ATP6V1B1: variants seen among roughly 807,000 people sequenced by gnomAD.
ATP6V1B1 encodes ATPase H+ transporting V1 subunit B1.
A neutral mutation model predicts 62.1 loss-of-function variants in ATP6V1B1; 41 were observed. That is an observed-to-expected ratio of 0.66 (90% CI 0.51 to 0.86). The LOEUF is 0.86. ATP6V1B1 is among the 40% of genes least tolerant of loss of function. ATP6V1B1 has a pLI of 0.00. For synonymous variants in ATP6V1B1, 253 were observed against 273.4 expected (o/e 0.93, Z 0.74); for missense variants, 651 against 697.5 (o/e 0.93, Z 0.75).
At chr2:70,952,566 C>T (rs1435976028) in intron 2 of ATP6V1B1, among the ~76,000 whole-genome samples, 14 of 151,924 alleles carry the variant, frequency 9.2e-5, no homozygotes, top group African/African-American at 3.1e-4. Flanking sequence ...TCTATGTTGA[C>T]GAACTCTCTA....
intron 2 of ATP6V1B1, chr2:70,944,241 G>GAA: frequency 7.8e-7 from 1 of 1,288,206 alleles, no homozygotes; most frequent in South Asian, 1.2e-5. Flanking sequence ...TAAGTGAAGT[G>GAA]GGCCCCACCA....
chr2:70,956,165 A>G (rs1680427115), intron 2 of ATP6V1B1: 2 of 235,392 alleles, frequency 8.5e-6, no homozygotes, highest in Admixed American at 8.2e-5. Context: ...TGACCATTGG[A>G]TGATATCAAT....
Position 70,959,820 on chromosome 2 carries a change from T to C in ATP6V1B1, c.446-119T>C. On this transcript the variant is annotated intron_variant, in intron 5 of 13. Coordinates refer to ENST00000234396, the MANE Select transcript of ATP6V1B1 (RefSeq NM_001692.4). This position sits in a 1 kb window ranked among gnomAD's most constrained non-coding sequence, Gnocchi z 4.2. ...CATCAGGCAGCACGGCCAGAGCACG[T>C]TTCTATCATCACAGAAAGTTCCGTC... 1.3e-6 allele frequency: 2 copies of C among 1,509,024 alleles called. No individual in the cohort carries two copies. Among genetic ancestry groups the C allele is most frequent in the Admixed American group, 3.5e-5 (2 of 56,854 alleles). 93.5% of individuals were successfully genotyped at this position (1,509,024 alleles called of 1,614,324 possible). A position where few individuals can be genotyped will look rare whatever the true frequency, so the allele number is the denominator to read the frequency against.
intron 2 of ATP6V1B1, among the ~76,000 whole-genome samples, chr2:70,947,014 T>G (rs1284032675): frequency 6.6e-6 from 1 of 152,170 alleles, no homozygotes; most frequent in Non-Finnish European, 1.5e-5. Flanking sequence ...AATGCTACAA[T>G]TCTGTTTCTA....
At chr2:70,951,523 A>G (rs1335138956) in intron 2 of ATP6V1B1, among the ~76,000 whole-genome samples, 1 of 152,050 alleles carries the variant, frequency 6.6e-6, no homozygotes, top group Non-Finnish European at 1.5e-5. Context: ...TATAATCTGG[A>G]ACATTTTCCC....
At chr2:70,944,300 A>T in intron 2 of ATP6V1B1, 1 of 1,114,384 alleles carries the variant, frequency 9.0e-7, no homozygotes, top group Non-Finnish European at 1.2e-6. Flanking sequence ...AAACTGGCAG[A>T]CACTGACAGT....
chr2:70,938,241 T>C (rs1200748840), intron 1 of ATP6V1B1, among the ~76,000 whole-genome samples: 1 of 152,048 alleles, frequency 6.6e-6, no homozygotes, highest in Non-Finnish European at 1.5e-5. Flanking sequence ...CTCCTCAGGC[T>C]CTGGGAGTGG....
chr2:70,962,957 C>G, intron 9 of ATP6V1B1, 57 bp downstream of exon 9: 1 of 1,611,232 alleles, frequency 6.2e-7, no homozygotes, highest in Non-Finnish European at 8.5e-7. Flanking sequence ...AAGCCTGACA[C>G]CCCAGACGGT....
chr2:70,952,252 A>G (rs1553418406), intron 2 of ATP6V1B1, among the ~76,000 whole-genome samples: 2 of 152,274 alleles, frequency 1.3e-5, no homozygotes, highest in African/African-American at 2.4e-5. Context: ...ACCTGAGGTC[A>G]GGAGTTGGAG....
Position 70,955,046 on chromosome 2 carries a change from G to A in ATP6V1B1, c.175-3000G>A, listed in dbSNP as rs1240196975. ...TGTGGGTAAAGACTGGGACTTGGTGGCTCCCAGAGCGTGCACAGACAGCAG... is the reference window on the plus strand; with the variant it reads ...TGTGGGTAAAGACTGGGACTTGGTGACTCCCAGAGCGTGCACAGACAGCAG... On this transcript the variant is annotated intron_variant, in intron 2 of 13. Transcript: ENST00000234396. 3.3e-5 allele frequency among the ~76,000 whole-genome samples: 5 copies of A among 152,194 alleles called. No homozygotes were observed. The South Asian group carries it at 6.2e-4, about 19-fold the overall frequency.
intron 1 of ATP6V1B1, chr2:70,940,999 C>G: frequency 1.3e-6 from 1 of 775,906 alleles, no homozygotes; most frequent in Non-Finnish European, 1.6e-6. Flanking sequence ...TCACCGCAGC[C>G]TCAACCTCCC....
At chr2:70,946,891 C>T (rs1169969954) in intron 2 of ATP6V1B1, among the ~76,000 whole-genome samples, 3 of 152,118 alleles carry the variant, frequency 2.0e-5, no homozygotes, top group African/African-American at 4.8e-5. Flanking sequence ...TGTGGTTTTG[C>T]GACTATCGGA....
At chr2:70,948,489 C>G (rs576853105) in intron 2 of ATP6V1B1, 1 of 154,866 alleles carries the variant, frequency 6.5e-6, no homozygotes, top group African/African-American at 2.4e-5. Flanking sequence ...CCCTCCGTCA[C>G]CTCCAGGGAG....
At position 70,964,854 on chromosome 2, in the gene ATP6V1B1, TCATC is replaced by T; in HGVS notation, c.1368_1371del (p.Phe456LeufsTer30). On this transcript the variant is annotated frameshift_variant, in exon 13 of 14. Transcript: ENST00000234396. LOFTEE classifies it high-confidence loss of function. ...TTCCTGCAGAAGTTTGAGAAGAACT[TCATC>T]AATCAGGGTAAGGCGCGTCGCTGGT... 1 of 1,614,032 alleles carries T rather than the reference TCATC, an allele frequency of 6.2e-7. No individual in the cohort carries two copies. The highest frequency in any genetic ancestry group is 8.5e-7 in the Non-Finnish European group (1 of 1,180,022).
At chr2:70,947,503 T>A (rs1553417579) in intron 2 of ATP6V1B1, 1 of 152,166 alleles carries the variant, frequency 6.6e-6, no homozygotes, top group Non-Finnish European at 1.5e-5. Flanking sequence ...TTCAAATTGG[T>A]CCCTGTTTGA....
chr2:70,954,862 G>A (rs537177141), intron 2 of ATP6V1B1, among the ~76,000 whole-genome samples: 2 of 152,312 alleles, frequency 1.3e-5, no homozygotes, highest in Admixed American at 1.3e-4. Context: ...AGGGAGCCTA[G>A]GGGATGCAAT....
chr2:70,963,406 T>C lies in ATP6V1B1; in HGVS notation c.1060+94T>C. The C allele has an allele frequency of 6.3e-7, 1 of 1,591,542 alleles. No individual in the cohort carries two copies. The highest frequency in any genetic ancestry group is 8.6e-7 in the Non-Finnish European group (1 of 1,161,150). ...GGGCCCACGTTGCTTTGCACAGATG[T>C]GCAGCAGCGCTTTTCCTCCATCGAG... On this transcript the variant is annotated intron_variant, in intron 10 of 13. Transcript: ENST00000234396. The surrounding 1 kb of genome is among the most constrained non-coding windows in gnomAD (Gnocchi z 4.3).
chr2:70,946,696 C>T (rs1680182425), intron 2 of ATP6V1B1, among the ~76,000 whole-genome samples: 1 of 152,204 alleles, frequency 6.6e-6, no homozygotes, highest in African/African-American at 2.4e-5. Context: ...TGCAGAAATG[C>T]TAATAAGCCT....
intron 8 of ATP6V1B1, 119 bp downstream of exon 8, chr2:70,961,812 GAAC>G (rs1417471559): frequency 9.1e-6 from 9 of 985,662 alleles, no homozygotes; most frequent in Admixed American, 1.9e-5. Flanking sequence ...AGAGCTGGGA[GAAC>G]AACCCTCATT....
Sources: allele counts gnomAD v4.1 joint callset (sites outside exome capture counted in the v4.1 genomes callset), GRCh38; gene constraint gnomAD v4.1.1; non-coding constraint Gnocchi (gnomAD v3.1); transcripts MANE v1.5; gene names NCBI Gene and HGNC (gene_info 2026-07-23, HGNC 2026-07-21).